The following CLOCK variants were observed in gnomAD, a reference collection of about 807,000 sequenced individuals.
The protein encoded by CLOCK is clock circadian regulator, also known as circadian locomoter output cycles protein kaput.
In CLOCK, 43 loss-of-function variants were observed where a neutral mutation model predicts 118.4. That is an observed-to-expected ratio of 0.36 (90% CI 0.28 to 0.47). The LOEUF (loss-of-function observed/expected upper bound fraction) is 0.47. CLOCK is among the 20% of genes least tolerant of loss of function. The pLI, the probability that CLOCK is intolerant of heterozygous loss-of-function variation, is 1.00. For synonymous variants in CLOCK, 326 were observed against 339.2 expected (o/e 0.96, Z 0.43); for missense variants, 846 against 999.9 (o/e 0.85, Z 2.08).
intron 3 of CLOCK, among the ~76,000 whole-genome samples, chr4:55,487,926 A>G (rs181057579): frequency 6.6e-6 from 1 of 152,200 alleles, no homozygotes; most frequent in East Asian, 1.9e-4. Flanking sequence ...CTTTCGTAAA[A>G]ATCTTCTTAC....
chr4:55,465,865 T>A (rs536659258), intron 8 of CLOCK, among the ~76,000 whole-genome samples: 1 of 152,198 alleles, frequency 6.6e-6, no homozygotes, highest in Admixed American at 6.5e-5. Context: ...GGCAGGAGAA[T>A]CGCTTGAATC....
At chr4:55,448,619 T>TGTGA (rs1724142292) in intron 18 of CLOCK, among the ~76,000 whole-genome samples, 160 bp downstream of exon 18, 2 of 150,346 alleles carry the variant, frequency 1.3e-5, no homozygotes, top group African/African-American at 4.9e-5. Context: ...TGTGTGTGTG[T>TGTGA]GTGTGTGTGT....
At chr4:55,438,655 C>G in intron 21 of CLOCK, 118 bp from the exon 22 acceptor site, 1 of 1,475,410 alleles carries the variant, frequency 6.8e-7, no homozygotes, top group Non-Finnish European at 9.3e-7. Context: ...GTTTGTTTTT[C>G]AAGGTCTGTA....
intron 20 of CLOCK, among the ~76,000 whole-genome samples, chr4:55,442,933 G>A (rs1023951077): frequency 2.0e-5 from 3 of 152,082 alleles, no homozygotes; most frequent in African/African-American, 4.8e-5. Flanking sequence ...TGACTAATTA[G>A]TGGGCATTTT....
chr4:55,457,782 A>C (rs1056816533), intron 11 of CLOCK, among the ~76,000 whole-genome samples: 1 of 152,116 alleles, frequency 6.6e-6, no homozygotes, highest in Admixed American at 6.6e-5. Flanking sequence ...TGAGAAAAAA[A>C]CAATTATTAA....
chr4:55,520,378 G>A (rs1170443350), intron 1 of CLOCK, among the ~76,000 whole-genome samples: 5 of 152,092 alleles, frequency 3.3e-5, no homozygotes, highest in African/African-American at 1.2e-4. Context: ...GTATCCAAGG[G>A]TCATCAACAC....
chr4:55,444,128 G>A (rs778602350), intron 19 of CLOCK, among the ~76,000 whole-genome samples: 16 of 152,184 alleles, frequency 1.1e-4, no homozygotes, highest in African/African-American at 1.2e-4. Context: ...GTGTTAGTCT[G>A]TGGATTGACA....
intron 1 of CLOCK, among the ~76,000 whole-genome samples, chr4:55,541,259 C>T (rs34648901): frequency 0.34 from 51,439 of 152,070 alleles, 9,393 homozygotes; most frequent in East Asian, 0.58. Flanking sequence ...AATATAAATG[C>T]CATTATGTAA....
Position 55,470,697 on chromosome 4 carries a change from T to A in CLOCK, c.438+20A>T. 6.7e-7 allele frequency: 1 copy of A among 1,490,320 alleles called. No individual in the cohort carries two copies. The highest frequency in any genetic ancestry group is 9.4e-7 in the Non-Finnish European group (1 of 1,068,092). The allele number at this position is 1,490,320 out of a possible 1,614,324, so 92.3% of individuals were successfully genotyped here. A position where few individuals can be genotyped will look rare whatever the true frequency, so the allele number is the denominator to read the frequency against. ...ATAGGCATTTTAATACGAAGTAGAT[T>A]GTAGGATCTTTATACTTACTGGTAA... On this transcript the variant is annotated intron_variant, in intron 8 of 22. Transcript: ENST00000513440.
At position 55,432,734 on chromosome 4, in the gene CLOCK, A is replaced by G. The variant is rs1722605618; in HGVS notation, c.*2681T>C. On this transcript the variant is annotated 3_prime_UTR_variant, in exon 23 of 23. Transcript: ENST00000513440. ...TACCTCTTCCACTACTACGCTTCAG[A>G]CTGACAGAAAAGCAGCTAGCTGCTC... is the stretch of plus-strand genomic sequence containing the variant. 6.6e-6 allele frequency: 1 copy of G among 152,142 alleles called. No homozygotes were observed. Among genetic ancestry groups the G allele is most frequent in the African/African-American group, 2.4e-5 (1 of 41,438 alleles). The allele number at this position is 152,142 out of a possible 1,614,324, so 9.4% of individuals were successfully genotyped here.
intron 1 of CLOCK, among the ~76,000 whole-genome samples, chr4:55,523,247 C>T (rs1729957679): frequency 1.3e-5 from 2 of 152,026 alleles, no homozygotes; most frequent in African/African-American, 4.8e-5. Flanking sequence ...TTGCAGTGAG[C>T]GAGATGGCAC....
intron 15 of CLOCK, among the ~76,000 whole-genome samples, chr4:55,451,520 C>A (rs1206078153): frequency 6.6e-6 from 1 of 152,170 alleles, no homozygotes; most frequent in Non-Finnish European, 1.5e-5. Context: ...ATTGAAGTTT[C>A]TCAAAAATAT....
intron 3 of CLOCK, among the ~76,000 whole-genome samples, chr4:55,486,736 TCTGATTA>T (rs1254350345): frequency 6.6e-6 from 1 of 152,160 alleles, no homozygotes; most frequent in Non-Finnish European, 1.5e-5. Flanking sequence ...GCAAAGCCAT[TCTGATTA>T]CTGATCCTTT....
chr4:55,489,697 A>C (rs2109942576), intron 2 of CLOCK, among the ~76,000 whole-genome samples: 1 of 152,314 alleles, frequency 6.6e-6, no homozygotes, highest in South Asian at 2.1e-4. Context: ...AAGTATTAAA[A>C]AACTGTAACT....
intron 1 of CLOCK, among the ~76,000 whole-genome samples, chr4:55,541,215 G>C (rs576525674): frequency 1.3e-4 from 20 of 152,120 alleles, no homozygotes; most frequent in Non-Finnish European, 2.6e-4. Flanking sequence ...ACACCTAATA[G>C]GGCTTTTAAT....
chr4:55,529,571 T>C (rs1730409663), intron 1 of CLOCK, among the ~76,000 whole-genome samples: 1 of 152,202 alleles, frequency 6.6e-6, no homozygotes, highest in Non-Finnish European at 1.5e-5. Flanking sequence ...CTACTGAAGA[T>C]ACCGCATTCA....
At chr4:55,505,766 A>G (rs1728757007) in intron 2 of CLOCK, among the ~76,000 whole-genome samples, 1 of 151,566 alleles carries the variant, frequency 6.6e-6, no homozygotes, top group Admixed American at 6.6e-5. Flanking sequence ...TCATTCAAAC[A>G]TGCAGAAAAG....
In CLOCK at chr4:55,442,651, G is replaced by C. The variant is rs1723467198; in HGVS notation, c.1903-17C>G. 1.3e-6 allele frequency: 2 copies of C among 1,591,114 alleles called. No homozygotes were observed. The highest frequency in any genetic ancestry group is 2.2e-5 in the South Asian group (2 of 90,418). On this transcript the variant is annotated splice_polypyrimidine_tract_variant and intron_variant, in intron 20 of 22. Coordinates refer to ENST00000513440, the MANE Select transcript of CLOCK (RefSeq NM_004898.4). ...TTGTTGACTCTGTTAAAAATAAAGA[G>C]ATTTTATAGACAGATTAACTGAAAA...
Position 55,449,396 on chromosome 4 carries a change from C to T in CLOCK, c.1449G>A (p.Gln483=). The change falls in exon 17 of 23, where the codon CAG becomes CAA. Residue 483 remains glutamine, a splice_region_variant and synonymous_variant. Coordinates refer to ENST00000513440, the MANE Select transcript of CLOCK (RefSeq NM_004898.4). ...GAAGAATATCCACTAAAGAGCTTAC[C>T]TGACTACTAAATGATGACCTTCTTT... ...MVQRRSSFSS[Q]SINSQSVGSS... is the part of the protein sequence containing the mutation. 6.2e-7 allele frequency: 1 copy of T among 1,612,198 alleles called. No individual in the cohort carries two copies. The highest frequency in any genetic ancestry group is 8.5e-7 in the Non-Finnish European group (1 of 1,178,362).
Sources: gnomAD v4.1 joint callset for allele counts (sites outside exome capture counted in the v4.1 genomes callset) on GRCh38, gnomAD v4.1.1 for gene constraint, MANE v1.5 for transcripts, NCBI Gene and HGNC (gene_info 2026-07-23, HGNC 2026-07-21) for gene names.